Variants in RPS6KC1 observed in about 807,000 individuals in gnomAD.
The protein encoded by RPS6KC1 is inactive ribosomal protein S6 kinase delta-1.
In RPS6KC1, 54 loss-of-function variants were observed where a neutral mutation model predicts 103.8. The observed-to-expected ratio is 0.52, with a 90% confidence interval of 0.42 to 0.65. The LOEUF (loss-of-function observed/expected upper bound fraction) is 0.65. Among genes scored for constraint, RPS6KC1 ranks in the 30% least tolerant of loss-of-function variants. RPS6KC1 has a pLI of 0.00. For missense variants in RPS6KC1, 1,151 were observed against 1,253.8 expected (o/e 0.92, Z 1.24); for synonymous variants, 439 against 438.7 (o/e 1.00, Z -0.01).
chr1:213,666,103 C>G, the RPS6KC1 span, among the ~76,000 whole-genome samples: 1 of 152,156 alleles, frequency 6.6e-6, no homozygotes, highest in East Asian at 1.9e-4. Context: ...GCAGATTGTT[C>G]CTGCTCTCAA....
the RPS6KC1 span, among the ~76,000 whole-genome samples, chr1:213,406,084 C>T: frequency 2.6e-5 from 4 of 152,184 alleles, no homozygotes; most frequent in Admixed American, 2.0e-4. Context: ...AGGAGCTGCC[C>T]AGTCAGAAAA....
chr1:213,572,519 G>A, the RPS6KC1 span, among the ~76,000 whole-genome samples: 4 of 152,154 alleles, frequency 2.6e-5, no homozygotes, highest in African/African-American at 9.7e-5. Context: ...CAGTTATGTT[G>A]AAATGAAACA....
the RPS6KC1 span, among the ~76,000 whole-genome samples, chr1:213,578,317 C>A: frequency 2.0e-5 from 3 of 152,222 alleles, no homozygotes; most frequent in Non-Finnish European, 2.9e-5. Context: ...CATAGAGAAC[C>A]TCTGCTAGGG....
chr1:213,402,387 C>T, the RPS6KC1 span, among the ~76,000 whole-genome samples: 2 of 152,146 alleles, frequency 1.3e-5, no homozygotes, highest in Non-Finnish European at 2.9e-5. Context: ...ACTCACACAC[C>T]CCCTCCTCAA....
At chr1:213,755,797 A>G in the RPS6KC1 span, among the ~76,000 whole-genome samples, 1 of 152,214 alleles carries the variant, frequency 6.6e-6, no homozygotes, top group Admixed American at 6.5e-5. Context: ...TAATCAGTCC[A>G]TGTACCACCC....
chr1:213,081,451 C>T (rs2079875708), intron 3 of RPS6KC1, among the ~76,000 whole-genome samples: 2 of 152,056 alleles, frequency 1.3e-5, no homozygotes, highest in South Asian at 4.2e-4. Flanking sequence ...TTCCCGTGAT[C>T]CAAACACCTC....
chr1:213,322,570 C>A, the RPS6KC1 span, among the ~76,000 whole-genome samples: 1 of 152,076 alleles, frequency 6.6e-6, no homozygotes, highest in Non-Finnish European at 1.5e-5. Context: ...AAACAGCACC[C>A]ACTTATTATT....
chr1:213,517,126 G>T, the RPS6KC1 span, among the ~76,000 whole-genome samples: 256 of 152,042 alleles, frequency 1.7e-3, 1 homozygote, highest in Non-Finnish European at 3.3e-3. Flanking sequence ...GTTTTCTTCT[G>T]TATTAGTCTT....
chr1:213,106,267 A>G (rs779744963), intron 4 of RPS6KC1, among the ~76,000 whole-genome samples: 2 of 152,136 alleles, frequency 1.3e-5, no homozygotes, highest in African/African-American at 2.4e-5. Context: ...AACTCATTCC[A>G]TTAGCTTGAA....
chr1:213,666,470 G>T, the RPS6KC1 span, among the ~76,000 whole-genome samples: 4 of 152,086 alleles, frequency 2.6e-5, no homozygotes, highest in East Asian at 7.7e-4. Context: ...TTATCTGACA[G>T]ATAAAAGCTC....
the RPS6KC1 span, among the ~76,000 whole-genome samples, chr1:213,350,645 TA>T: frequency 6.6e-6 from 1 of 152,164 alleles, no homozygotes; most frequent in Non-Finnish European, 1.5e-5. Flanking sequence ...GAATGATTAT[TA>T]AAAACACTTT....
the RPS6KC1 span, among the ~76,000 whole-genome samples, chr1:213,617,984 G>A: frequency 6.6e-6 from 1 of 152,128 alleles, no homozygotes; most frequent in Non-Finnish European, 1.5e-5. Context: ...GTTCTTCCTT[G>A]TGATTTATTT....
chr1:213,333,338 G>A, the RPS6KC1 span, among the ~76,000 whole-genome samples: 1 of 152,204 alleles, frequency 6.6e-6, no homozygotes, highest in Non-Finnish European at 1.5e-5. Flanking sequence ...GGAATGGAAT[G>A]CGTGTCATGA....
chr1:213,423,767 AG>A, the RPS6KC1 span, among the ~76,000 whole-genome samples: 1 of 66,804 alleles, frequency 1.5e-5, no homozygotes, highest in Admixed American at 1.7e-4. Flanking sequence ...GGGGAGCGGC[AG>A]GGGGCTGGTG....
At chr1:213,790,848 C>A in the RPS6KC1 span, among the ~76,000 whole-genome samples, 25 of 152,270 alleles carry the variant, frequency 1.6e-4, no homozygotes, top group Middle Eastern at 3.4e-3. Flanking sequence ...ACTGACAAAC[C>A]TGAGGAGTAT....
At chr1:213,527,344 T>C in the RPS6KC1 span, among the ~76,000 whole-genome samples, 2 of 152,202 alleles carry the variant, frequency 1.3e-5, no homozygotes, top group South Asian at 2.1e-4. Flanking sequence ...TCTGCAAATA[T>C]ATAGAGCCGA....
the RPS6KC1 span, among the ~76,000 whole-genome samples, chr1:213,362,168 A>G: frequency 0.39 from 59,992 of 152,104 alleles, 13,451 homozygotes; most frequent in African/African-American, 0.6. Context: ...ACAGCAGAGA[A>G]GAGGATGGAG....
chr1:213,501,732 CAA>C, the RPS6KC1 span, among the ~76,000 whole-genome samples: 212 of 126,972 alleles, frequency 1.7e-3, 1 homozygote, highest in Non-Finnish European at 1.8e-3. Context: ...GAGAGTCCAT[CAA>C]AAAAAAAAAA....
At chr1:213,138,224 T>C (rs2149067052) in intron 6 of RPS6KC1, among the ~76,000 whole-genome samples, 1 of 152,340 alleles carries the variant, frequency 6.6e-6, no homozygotes, top group Admixed American at 6.5e-5. Flanking sequence ...CTAATATTTA[T>C]TCATTTATGT....
Sources: gnomAD v4.1 joint callset for allele counts (sites outside exome capture counted in the v4.1 genomes callset) on GRCh38, gnomAD v4.1.1 for gene constraint, MANE v1.5 for transcripts, NCBI Gene and HGNC (gene_info 2026-07-23, HGNC 2026-07-21) for gene names.